Variants in WDR44 observed in about 807,000 individuals in gnomAD.
The protein encoded by WDR44 is WD repeat-containing protein 44.
A neutral mutation model predicts 65.7 loss-of-function variants in WDR44; 9 were observed. The ratio of observed to expected loss-of-function variants is 0.14; its 90% confidence interval spans 0.08 to 0.24. The LOEUF (loss-of-function observed/expected upper bound fraction) is 0.24, where lower values mean the gene tolerates loss of function less well. WDR44 is among the 10% of genes least tolerant of loss of function. The pLI is 1.00. For missense variants in WDR44, 425 were observed against 670.9 expected (o/e 0.63, Z 4.05); for synonymous variants, 220 against 235.2 (o/e 0.94, Z 0.59).
intron 1 of WDR44, among the ~76,000 whole-genome samples, chrX:118,352,681 T>C (rs1444029284): frequency 9.1e-6 from 1 of 109,888 alleles, no homozygotes; most frequent in Non-Finnish European, 1.9e-5. Context: ...CAGGTGAATT[T>C]GCCAGGCAAG....
rs933822929 is a variant in WDR44, at chrX:118,413,913, C to A, written c.1737+2954C>A. 3.6e-5 allele frequency among the ~76,000 whole-genome samples: 4 copies of A among 111,625 alleles called. No homozygotes were observed. In the Admixed American group the frequency reaches 3.8e-4, roughly 11 times the overall value. The stretch of plus-strand genomic sequence containing the variant: ...ATCCTACACGTGGCTAGCCAGTTAT[C>A]TCAGCACCATTTGTTGAAAAGGGTG... On this transcript the variant is annotated intron_variant, in intron 12 of 19. Coordinates refer to ENST00000254029, the MANE Select transcript of WDR44 (RefSeq NM_019045.5).
Position 118,440,949 on chromosome X carries a change from CTTTTTTTTTTT to C in WDR44, c.1975-400_1975-390del, listed in dbSNP as rs1214126337. Among the ~76,000 whole-genome samples, 377 of 50,344 alleles carry C rather than the reference CTTTTTTTTTTT, an allele frequency of 7.5e-3. 2 individuals carry two copies. Among genetic ancestry groups the C allele is most frequent in the African/African-American group, 0.03 (338 of 11,170 alleles). 43.7% of individuals were successfully genotyped at this position (50,344 alleles called of 115,157 possible). On this transcript the variant is annotated intron_variant, in intron 14 of 19. Transcript: ENST00000254029. ...AAGAATAAAAATTTTTAAATGAAAT[CTTTTTTTTTTT>C]TTTTTTTTTTTTTTTTTTGAGACGG...
chrX:118,443,740 A>G (rs1313623915), intron 18 of WDR44, 53 bp downstream of exon 18: 1 of 1,127,150 alleles, frequency 8.9e-7, no homozygotes, highest in Non-Finnish European at 1.2e-6. Context: ...GTTACAGTGG[A>G]TATATACTAG....
chrX:118,377,416 G>A (rs1053956590), intron 1 of WDR44, among the ~76,000 whole-genome samples: 3 of 110,840 alleles, frequency 2.7e-5, no homozygotes, highest in Non-Finnish European at 5.7e-5. Context: ...CTTCAAAATC[G>A]ATATAAATGT....
chrX:118,412,641 C>G (rs936270172), intron 12 of WDR44, among the ~76,000 whole-genome samples: 1 of 111,476 alleles, frequency 9.0e-6, no homozygotes, highest in African/African-American at 3.3e-5. Context: ...AGTGAGTAGC[C>G]TGGGATGAAT....
At chrX:118,358,906 C>T (rs998626328) in intron 1 of WDR44, among the ~76,000 whole-genome samples, 1 of 110,913 alleles carries the variant, frequency 9.0e-6, no homozygotes, top group Non-Finnish European at 1.9e-5. Context: ...AACTCCATCT[C>T]TACTAAAAAT....
At chrX:118,379,218 A>T (rs1054736200) in intron 2 of WDR44, among the ~76,000 whole-genome samples, 7 of 111,131 alleles carry the variant, frequency 6.3e-5, no homozygotes, top group African/African-American at 2.3e-4. Context: ...CATTTTAAGT[A>T]TAAGATATCA....
At position 118,346,290 on chromosome X, in the gene WDR44, T is replaced by G; in HGVS notation, c.-214T>G. 4.8e-6 allele frequency: 2 copies of G among 416,698 alleles called. No individual in the cohort carries two copies. The highest frequency in any genetic ancestry group is 8.5e-5 in the East Asian group (2 of 23,655). The allele number at this position is 416,698 out of a possible 1,213,427, so 34.3% of individuals were successfully genotyped here. A position where few individuals can be genotyped will look rare whatever the true frequency, so the allele number is the denominator to read the frequency against. On this transcript the variant is annotated 5_prime_UTR_variant, in exon 1 of 20. Transcript: ENST00000254029. ...ATTCCCTGGACCAACCGCCGCCTCT[T>G]CAGGCGGCCGCTTTGCCGGTCATTC...
At chrX:118,356,590 C>G (rs1041524413) in intron 1 of WDR44, among the ~76,000 whole-genome samples, 2 of 109,643 alleles carry the variant, frequency 1.8e-5, no homozygotes, top group African/African-American at 6.6e-5. Context: ...CTTTGTCACT[C>G]TTTGTGACTA....
At chrX:118,398,309 T>G in intron 7 of WDR44, 78 bp from the exon 8 acceptor site, 1 of 758,511 alleles carries the variant, frequency 1.3e-6, no homozygotes, top group Non-Finnish European at 2.0e-6. Context: ...GATTAACTGG[T>G]TATATAGTAA....
At chrX:118,388,785 A>G (rs1376627706) in intron 3 of WDR44, among the ~76,000 whole-genome samples, 1 of 111,585 alleles carries the variant, frequency 9.0e-6, no homozygotes, top group Non-Finnish European at 1.9e-5. Context: ...ATCCATTAGC[A>G]TACATTTTTC....
intron 7 of WDR44, 21 bp from the exon 8 acceptor site, chrX:118,398,366 A>G: frequency 1.7e-6 from 2 of 1,196,815 alleles, no homozygotes; most frequent in Non-Finnish European, 2.3e-6. Context: ...CTTCTTTTAA[A>G]ACAACTTCCC....
chrX:118,424,943 T>C (rs917247162), intron 12 of WDR44, among the ~76,000 whole-genome samples: 1 of 112,109 alleles, frequency 8.9e-6, no homozygotes, highest in African/African-American at 3.2e-5. Flanking sequence ...GTAATCAGTT[T>C]TGTGAAGAAA....
intron 12 of WDR44, among the ~76,000 whole-genome samples, chrX:118,424,319 G>A (rs1344120855): frequency 1.7e-5 from 1 of 60,573 alleles, no homozygotes; most frequent in African/African-American, 2.1e-4. Context: ...ATATGTGTGT[G>A]TGTGTATATA....
At chrX:118,348,366 T>C (rs1340688135) in intron 1 of WDR44, among the ~76,000 whole-genome samples, 1 of 112,379 alleles carries the variant, frequency 8.9e-6, no homozygotes. Context: ...ATAGAGTCAC[T>C]TCTTCCCTCA....
intron 19 of WDR44, among the ~76,000 whole-genome samples, chrX:118,446,730 C>T (rs770254075): frequency 3.6e-5 from 4 of 112,442 alleles, no homozygotes; most frequent in African/African-American, 1.3e-4. Flanking sequence ...CAAAAATAAA[C>T]CAAGTTAGAA....
intron 5 of WDR44, 97 bp downstream of exon 5, chrX:118,394,282 T>G: frequency 9.0e-7 from 1 of 1,114,477 alleles, no homozygotes; most frequent in Non-Finnish European, 1.2e-6. Flanking sequence ...GGCCAGATTT[T>G]TCTTTGTCCT....
intron 12 of WDR44, among the ~76,000 whole-genome samples, chrX:118,424,321 G>GTATATATATA (rs1430796503): frequency 7.9e-5 from 5 of 63,441 alleles, no homozygotes; most frequent in African/African-American, 7.6e-4. Flanking sequence ...ATGTGTGTGT[G>GTATATATATA]TGTATATATA....
intron 12 of WDR44, among the ~76,000 whole-genome samples, chrX:118,432,163 C>G (rs2057217177): frequency 9.0e-6 from 1 of 111,616 alleles, no homozygotes; most frequent in African/African-American, 3.3e-5. Flanking sequence ...GTTAATTCAG[C>G]AGCTCAGTAG....
Sources: gnomAD v4.1 joint callset for allele counts (sites outside exome capture counted in the v4.1 genomes callset) on GRCh38, gnomAD v4.1.1 for gene constraint, MANE v1.5 for transcripts, NCBI Gene and HGNC (gene_info 2026-07-23, HGNC 2026-07-21) for gene names.